CMIP: variants seen among roughly 807,000 people sequenced by gnomAD.
CMIP encodes the protein c-Maf inducing protein, also known as C-Maf-inducing protein.
Under a neutral mutation model 97.3 loss-of-function variants are expected in CMIP, and 13 were observed. The observed-to-expected ratio is 0.13, with a 90% CI of 0.09 to 0.21. CMIP has a LOEUF of 0.21. CMIP is among the 10% of genes least tolerant of loss of function. The probability of loss-of-function intolerance (pLI) is 1.00; values close to 1 mark genes in which losing one functional copy is unlikely to be tolerated. For synonymous variants in CMIP, 538 were observed against 436.3 expected, an observed-to-expected ratio of 1.23 and a Z score of -2.91; for missense variants, 847 against 1,024.9, an observed-to-expected ratio of 0.83 and a Z score of 2.37.
intron 1 of CMIP, among the ~76,000 whole-genome samples, chr16:81,575,522 T>A (rs923090826): frequency 1.3e-5 from 2 of 152,170 alleles, no homozygotes; most frequent in African/African-American, 4.8e-5. Context: ...GGAGGTCCCA[T>A]ACAGAGGCTG....
At chr16:81,695,914 G>C (rs931441557) in intron 13 of CMIP, 1 of 142,936 alleles carries the variant, frequency 7.0e-6, no homozygotes, top group Non-Finnish European at 1.5e-5. Flanking sequence ...GTCCCAAAGA[G>C]GGGGAGAGAG....
chr16:81,569,081 G>C (rs2091036312), intron 1 of CMIP, among the ~76,000 whole-genome samples: 2 of 152,274 alleles, frequency 1.3e-5, no homozygotes, highest in South Asian at 4.2e-4. Flanking sequence ...TACGAAGAAG[G>C]CATCTGTAGC....
intron 19 of CMIP, 54 bp downstream of exon 19, chr16:81,705,658 C>A: frequency 8.3e-7 from 1 of 1,205,336 alleles, no homozygotes; most frequent in Non-Finnish European, 1.2e-6. Context: ...TCATTCCTTC[C>A]TTGCTTCAGC....
In CMIP at chr16:81,706,214, C is replaced by G. The variant is rs576312756; in HGVS notation, c.2197+610C>G. ...TTTGACCAGCTTTCCCTTTTCCAGG[C>G]CCACTGCTTTAGACGGGAAGACCCG... On this transcript the variant is annotated intron_variant, in intron 19 of 20. Transcript: ENST00000537098. 2.0e-5 allele frequency among the ~76,000 whole-genome samples: 3 copies of G among 152,348 alleles called. No individual in the cohort carries two copies. In the South Asian group the frequency reaches 6.2e-4, roughly 32 times the overall value.
intron 9 of CMIP, among the ~76,000 whole-genome samples, chr16:81,672,963 C>CTCTCATG (rs1270066232): frequency 6.6e-5 from 10 of 152,174 alleles, no homozygotes; most frequent in Non-Finnish European, 1.5e-4. Flanking sequence ...TTGGGGCTTC[C>CTCTCATG]ATTCTACCAG....
At chr16:81,582,267 CA>C (rs1403283998) in intron 1 of CMIP, among the ~76,000 whole-genome samples, 3 of 152,146 alleles carry the variant, frequency 2.0e-5, no homozygotes, top group East Asian at 3.9e-4. Context: ...GCCTCTTCCC[CA>C]AATGTTCAGC....
At chr16:81,530,839 A>G (rs995199347) in intron 1 of CMIP, among the ~76,000 whole-genome samples, 3 of 152,170 alleles carry the variant, frequency 2.0e-5, no homozygotes, top group African/African-American at 7.2e-5. Context: ...CGATCAGTTC[A>G]GCTTCTTCTG....
At chr16:81,661,017 G>A (rs972194418) in intron 6 of CMIP, 71 bp downstream of exon 6, 58 of 1,597,100 alleles carry the variant, frequency 3.6e-5, no homozygotes, top group Non-Finnish European at 4.7e-5. Context: ...CAGGGATTGG[G>A]TTTGCACAGA....
intron 1 of CMIP, among the ~76,000 whole-genome samples, chr16:81,596,978 A>C (rs1238035065): frequency 6.6e-6 from 1 of 152,102 alleles, no homozygotes; most frequent in South Asian, 2.1e-4. Flanking sequence ...TGTGTTGTGC[A>C]TAGTTGTAGA....
Position 81,555,680 on chromosome 16 carries a change from C to A in CMIP, c.301-51887C>A, listed in dbSNP as rs9788920. On this transcript the variant is annotated intron_variant, in intron 1 of 20. Transcript: ENST00000537098. ...CTGTGAAGTCACCATCTTCATGGGT[C>A]CCCACCAGGGTATACTGTGCTCCCC... Among the ~76,000 whole-genome samples the A allele has an allele frequency of 5.6e-4, 86 of 152,278 alleles. 1 individual carries two copies. The East Asian group carries it at 0.016, about 29-fold the overall frequency.
chr16:81,644,193 C>G (rs1371880796), intron 3 of CMIP, among the ~76,000 whole-genome samples: 1 of 152,162 alleles, frequency 6.6e-6, no homozygotes, highest in Non-Finnish European at 1.5e-5. Context: ...TTTTATACTC[C>G]ACAATTAGAT....
At chr16:81,537,546 CAAAAAAAAAAA>C (rs397695977) in intron 1 of CMIP, among the ~76,000 whole-genome samples, 32 of 82,072 alleles carry the variant, frequency 3.9e-4, no homozygotes, top group African/African-American at 1.1e-3. Context: ...AAAAAAAAGA[CAAAAAAAAAAA>C]AAAAAAAAAA....
At chr16:81,459,104 G>A (rs1906750443) in intron 1 of CMIP, among the ~76,000 whole-genome samples, 3 of 151,928 alleles carry the variant, frequency 2.0e-5, no homozygotes, top group South Asian at 4.1e-4. Flanking sequence ...TGTGGCTACC[G>A]CTTCTCTTGT....
intron 9 of CMIP, among the ~76,000 whole-genome samples, chr16:81,674,338 A>G (rs1319630699): frequency 3.9e-5 from 6 of 152,186 alleles, no homozygotes; most frequent in Non-Finnish European, 7.4e-5. Context: ...TCACCATGTT[A>G]GCCAGGATGG....
chr16:81,703,694 A>G (rs1179143931), intron 17 of CMIP, among the ~76,000 whole-genome samples: 2 of 152,080 alleles, frequency 1.3e-5, no homozygotes, highest in African/African-American at 4.8e-5. Flanking sequence ...GAGTCACAGC[A>G]CTGGAGGCTT....
chr16:81,628,934 G>A (rs1321752002), intron 3 of CMIP, among the ~76,000 whole-genome samples: 4 of 151,738 alleles, frequency 2.6e-5, no homozygotes, highest in African/African-American at 2.4e-5. Context: ...TCAGGAGTTC[G>A]AGACCAGCCT....
chr16:81,585,358 A>T (rs554972933), intron 1 of CMIP, among the ~76,000 whole-genome samples: 1 of 152,236 alleles, frequency 6.6e-6, no homozygotes, highest in South Asian at 2.1e-4. Context: ...AATAATAATA[A>T]ATGTACCATT....
intron 1 of CMIP, among the ~76,000 whole-genome samples, chr16:81,447,250 T>C (rs1354452178): frequency 2.0e-5 from 3 of 151,594 alleles, no homozygotes; most frequent in Non-Finnish European, 3.0e-5. Context: ...TTTTTTTTTT[T>C]TCCTCTTACA....
chr16:81,697,095 A>G, intron 14 of CMIP: 1 of 213,098 alleles, frequency 4.7e-6, no homozygotes, highest in Non-Finnish European at 9.5e-6. Context: ...TAATCCTTAC[A>G]AGGAGGTGTC....
Sources: allele counts gnomAD v4.1 joint callset (sites outside exome capture counted in the v4.1 genomes callset), GRCh38; gene constraint gnomAD v4.1.1; transcripts MANE v1.5; gene names NCBI Gene and HGNC (gene_info 2026-07-23, HGNC 2026-07-21).